Variants in PCDHGA8 observed in about 807,000 individuals in gnomAD.
PCDHGA8 encodes the protein protocadherin gamma subfamily A, 8, also known as protocadherin gamma-A8.
In PCDHGA8, 45 loss-of-function variants were observed where a neutral mutation model predicts 59.2. The ratio of observed to expected loss-of-function variants is 0.76; its 90% CI spans 0.60 to 0.98. The LOEUF is 0.98. Ranked by LOEUF, PCDHGA8 falls within the 50% of genes least tolerant of loss-of-function variation. The pLI, the probability that PCDHGA8 is intolerant of heterozygous loss-of-function variation, is 0.00. For synonymous variants in PCDHGA8, 531 were observed against 519.0 expected (o/e 1.02, Z -0.32); for missense variants, 1,257 against 1,196.2 (o/e 1.05, Z -0.75).
At chr5:141,499,880 G>A (rs1177287013) in intron 2 of PCDHGA8, among the ~76,000 whole-genome samples, 1 of 151,886 alleles carries the variant, frequency 6.6e-6, no homozygotes, top group African/African-American at 2.4e-5. Flanking sequence ...TACAAACAGG[G>A]TTTCGCCATG....
In PCDHGA8 at chr5:141,490,912, AATG is replaced by A; in HGVS notation, c.2425-3892_2425-3890del. 6.2e-7 allele frequency: 1 copy of A among 1,613,644 alleles called. No homozygotes were observed. Among genetic ancestry groups the A allele is most frequent in the Non-Finnish European group, 8.5e-7 (1 of 1,179,684 alleles). On this transcript the variant is annotated intron_variant, in intron 1 of 3. Transcript: ENST00000398604. This position sits in a 1 kb window ranked among gnomAD's most constrained non-coding sequence, Gnocchi z 5.4. ...TCTGCATGTGTTTGTCCTAGACGAG[AATG>A]ATAATGCCCCAGCTGTGCTGCACCC...
At chr5:141,427,890 G>A in intron 1 of PCDHGA8, 1 of 1,566,844 alleles carries the variant, frequency 6.4e-7, no homozygotes, top group Non-Finnish European at 8.7e-7. Flanking sequence ...CCACGACCAG[G>A]GCTCGCCCGC....
intron 1 of PCDHGA8, chr5:141,415,653 G>C (rs947379829): frequency 1.4e-5 from 22 of 1,539,304 alleles, no homozygotes; most frequent in Non-Finnish European, 1.9e-5. Context: ...AAAAAAAAAA[G>C]ATTGGTTTTT....
At chr5:141,405,448 CT>C in intron 1 of PCDHGA8, 1 of 1,314,740 alleles carries the variant, frequency 7.6e-7, no homozygotes, top group Non-Finnish European at 1.1e-6. Flanking sequence ...GAGACAGAGT[CT>C]TACTCTGTTA....
intron 1 of PCDHGA8, chr5:141,428,067 G>A (rs753358896): frequency 6.2e-7 from 1 of 1,609,228 alleles, no homozygotes; most frequent in South Asian, 1.1e-5. Flanking sequence ...GGTGGACGCA[G>A]ATTCGGGACA....
intron 1 of PCDHGA8, chr5:141,423,311 T>G: frequency 2.5e-6 from 4 of 1,614,134 alleles, no homozygotes; most frequent in Non-Finnish European, 3.4e-6. Flanking sequence ...CTGTACTTGG[T>G]GGTGGCGGTG....
chr5:141,421,880 G>A (rs761272704), intron 1 of PCDHGA8: 3 of 1,613,600 alleles, frequency 1.9e-6, no homozygotes, highest in East Asian at 4.5e-5. Flanking sequence ...GCTTTAGATG[G>A]AGGCGATCCC....
intron 1 of PCDHGA8, chr5:141,409,257 T>C: frequency 6.2e-7 from 1 of 1,614,022 alleles, no homozygotes; most frequent in Non-Finnish European, 8.5e-7. Flanking sequence ...ATCACTTCTC[T>C]CTCTGATCAG....
Position 141,398,085 on chromosome 5 carries a change from T to C in PCDHGA8, c.2424+2848T>C, listed in dbSNP as rs140389005. 4,220 of 1,598,288 alleles carry C rather than the reference T, an allele frequency of 2.6e-3. 81 individuals carry two copies. In the African/African-American group the frequency reaches 0.047, roughly 18 times the overall value. ...TACAATACAGAGGTTATTTGTAACCTGGCGTCTCCAGGCTGGTGAGCAAGC... is the reference window on the plus strand; with the variant it reads ...TACAATACAGAGGTTATTTGTAACCCGGCGTCTCCAGGCTGGTGAGCAAGC... On this transcript the variant is annotated intron_variant, in intron 1 of 3. Coordinates refer to ENST00000398604, the MANE Select transcript of PCDHGA8 (RefSeq NM_032088.2).
chr5:141,447,058 G>A (rs1356080567), intron 1 of PCDHGA8, among the ~76,000 whole-genome samples: 1 of 152,068 alleles, frequency 6.6e-6, no homozygotes, highest in Non-Finnish European at 1.5e-5. Flanking sequence ...ATTAAAATGT[G>A]TCAGGCTGTT....
At chr5:141,430,586 C>G in intron 1 of PCDHGA8, 1 of 517,248 alleles carries the variant, frequency 1.9e-6, no homozygotes, top group Non-Finnish European at 3.1e-6. Context: ...TCCTGCTCGC[C>G]TTGCACGCGC....
At chr5:141,408,884 A>G (rs755835568) in intron 1 of PCDHGA8, 2 of 1,613,384 alleles carry the variant, frequency 1.2e-6, no homozygotes, top group Non-Finnish European at 1.7e-6. Context: ...CACCGCTCAC[A>G]TAGAAATTTC....
intron 1 of PCDHGA8, among the ~76,000 whole-genome samples, chr5:141,466,724 A>G (rs2099128017): frequency 6.6e-6 from 1 of 152,148 alleles, no homozygotes. Flanking sequence ...TTTCCATTTT[A>G]GCAGAATTCA....
At position 141,414,719 on chromosome 5, in the gene PCDHGA8, C is replaced by T. The variant is rs1361757630; in HGVS notation, c.2424+19482C>T. On this transcript the variant is annotated intron_variant, in intron 1 of 3. Transcript: ENST00000398604. ...TCATACATATCCATCAACTCAGACA[C>T]TGGCGTCCTGTATGCACTCAGATCC... The T allele has an allele frequency of 1.2e-6, 2 of 1,614,050 alleles. No individual in the cohort carries two copies. Among genetic ancestry groups the T allele is most frequent in the African/African-American group, 1.3e-5 (1 of 74,934 alleles).
chr5:141,408,974 G>C lies in PCDHGA8; in HGVS notation c.2424+13737G>C, dbSNP rs899313364. 8.7e-6 allele frequency: 14 copies of C among 1,613,690 alleles called. No individual in the cohort carries two copies. In the African/African-American group the frequency reaches 1.9e-4, roughly 22 times the overall value. On this transcript the variant is annotated intron_variant, in intron 1 of 3. Transcript: ENST00000398604. ...TAGTCTTAGTGAAAATCTGCCCCCT[G>C]GGTCCCCTGTGTTGCAAGTGACAGC...
intron 1 of PCDHGA8, chr5:141,418,428 A>G: frequency 6.2e-7 from 1 of 1,613,980 alleles, no homozygotes; most frequent in Non-Finnish European, 8.5e-7. Flanking sequence ...GATGGTGGCA[A>G]ATATCCAGAA....
chr5:141,418,730 G>GT, intron 1 of PCDHGA8: 1 of 1,613,952 alleles, frequency 6.2e-7, no homozygotes, highest in Non-Finnish European at 8.5e-7. Context: ...AGCTCAGCAC[G>GT]TGTTCTCTCT....
At chr5:141,399,475 C>T (rs1561669837) in intron 1 of PCDHGA8, 1 of 1,614,022 alleles carries the variant, frequency 6.2e-7, no homozygotes. Context: ...GGTTTTCCAC[C>T]AGGCGTCCTA....
In PCDHGA8 at chr5:141,421,851, T is replaced by A. The variant is rs771169063; in HGVS notation, c.2424+26614T>A. 16 of 1,613,596 alleles carry A rather than the reference T, an allele frequency of 9.9e-6. No homozygotes were observed. The Middle Eastern group carries it at 4.9e-4, about 50-fold the overall frequency. On this transcript the variant is annotated intron_variant, in intron 1 of 3. Coordinates refer to ENST00000398604, the MANE Select transcript of PCDHGA8 (RefSeq NM_032088.2). ...GCCTGGACCGAGAGAAAGAGGCTGC[T>A]CACCTGCTCCTCCTCACAGCTTTAG...
Sources: gnomAD v4.1 joint callset for allele counts (sites outside exome capture counted in the v4.1 genomes callset) on GRCh38, gnomAD v4.1.1 for gene constraint, Gnocchi (gnomAD v3.1) non-coding constraint, MANE v1.5 for transcripts, NCBI Gene and HGNC (gene_info 2026-07-23, HGNC 2026-07-21) for gene names.